Variants in ASAP2 observed in about 807,000 individuals in gnomAD.
The protein encoded by ASAP2 is arf-GAP with SH3 domain, ANK repeat and PH domain-containing protein 2.
In ASAP2, 45 loss-of-function variants were observed where a neutral mutation model predicts 131.4. The observed-to-expected ratio is 0.34, with a 90% confidence interval of 0.27 to 0.44. The LOEUF (loss-of-function observed/expected upper bound fraction) is 0.44, where lower values mean the gene tolerates loss of function less well. Ranked by LOEUF, ASAP2 falls within the 20% of genes least tolerant of loss-of-function variation. ASAP2 has a pLI of 1.00. For synonymous variants in ASAP2, 510 were observed against 503.0 expected (o/e 1.01, Z -0.19); for missense variants, 1,011 against 1,297.0 (o/e 0.78, Z 3.39).
Position 9,355,055 on chromosome 2 carries a change from T to C in ASAP2, c.1112-992T>C, listed in dbSNP as rs367905159. Among the ~76,000 whole-genome samples the C allele has an allele frequency of 1.3e-3, 196 of 152,344 alleles. 6 individuals carry two copies. In the South Asian group the frequency reaches 0.036, roughly 28 times the overall value. On this transcript the variant is annotated intron_variant, in intron 12 of 27. Transcript: ENST00000281419. ...CATATATCCCTCCCCTAGCTTTCCC[T>C]TCTGTTAACATCTTAATACAGTTAT... is the stretch of plus-strand genomic sequence containing the variant.
intron 24 of ASAP2, among the ~76,000 whole-genome samples, chr2:9,398,386 C>T (rs924958212): frequency 3.9e-5 from 6 of 151,960 alleles, no homozygotes; most frequent in African/African-American, 1.4e-4. Flanking sequence ...TGGCGTGCAC[C>T]TGTAGTCCCA....
chr2:9,396,538 G>C lies in ASAP2; in HGVS notation c.2684+2891G>C, dbSNP rs140361147. On this transcript the variant is annotated intron_variant, in intron 24 of 27. Coordinates refer to ENST00000281419, the MANE Select transcript of ASAP2 (RefSeq NM_003887.3). ...GCAGTCCTCCCACCTTGGCCTTTCAGAGTACTGGGATTACAGGCATGAGGC... is the reference window on the plus strand; with the variant it reads ...GCAGTCCTCCCACCTTGGCCTTTCACAGTACTGGGATTACAGGCATGAGGC... 2.6e-3 allele frequency among the ~76,000 whole-genome samples: 389 copies of C among 152,208 alleles called. 4 individuals carry two copies. Among genetic ancestry groups the C allele is most frequent in the African/African-American group, 9.1e-3 (377 of 41,522 alleles).
At chr2:9,373,968 A>G (rs1196368165) in intron 16 of ASAP2, among the ~76,000 whole-genome samples, 1 of 152,244 alleles carries the variant, frequency 6.6e-6, no homozygotes, top group Non-Finnish European at 1.5e-5. Flanking sequence ...GTTGACGCAC[A>G]TACGTCTCAT....
rs1666121555 is a variant in ASAP2 at position 9,268,752 on chromosome 2, G to T, written c.127-10565G>T. ...TTTCAGAAATGTCCCTTCTTCTCAG[G>T]CTGGCCTTTCGTCCGTGGAACGAGG... On this transcript the variant is annotated intron_variant, in intron 1 of 27. Transcript: ENST00000281419. This position sits in a 1 kb window ranked among gnomAD's most constrained non-coding sequence, Gnocchi z 4.1. 6.6e-6 allele frequency among the ~76,000 whole-genome samples: 1 copy of T among 152,182 alleles called. No homozygotes were observed. The highest frequency in any genetic ancestry group is 2.4e-5 in the African/African-American group (1 of 41,432).
intron 1 of ASAP2, among the ~76,000 whole-genome samples, chr2:9,234,506 A>T (rs1663402060): frequency 6.6e-6 from 1 of 152,092 alleles, no homozygotes; most frequent in Non-Finnish European, 1.5e-5. Context: ...AAGCAGGGAG[A>T]GATCACTTCC....
intron 1 of ASAP2, chr2:9,271,475 C>T: frequency 7.1e-7 from 1 of 1,399,682 alleles, no homozygotes; most frequent in Non-Finnish European, 1.0e-6. Flanking sequence ...GTGTAATCAT[C>T]AGCGATCCCT....
chr2:9,347,134 T>C (rs1437218045), intron 11 of ASAP2, among the ~76,000 whole-genome samples: 1 of 152,220 alleles, frequency 6.6e-6, no homozygotes, highest in Non-Finnish European at 1.5e-5. Context: ...TGGGGCTGTC[T>C]TGATTCACTT....
intron 3 of ASAP2, among the ~76,000 whole-genome samples, chr2:9,317,053 C>T (rs1669735377): frequency 6.6e-6 from 1 of 150,936 alleles, no homozygotes; most frequent in African/African-American, 2.4e-5. Flanking sequence ...CTCACATCCA[C>T]ACTCCACACA....
intron 1 of ASAP2, among the ~76,000 whole-genome samples, chr2:9,224,214 A>G (rs1470404397): frequency 6.6e-6 from 1 of 152,126 alleles, no homozygotes; most frequent in Non-Finnish European, 1.5e-5. Flanking sequence ...GGTGCCGAGC[A>G]AGAGGCTTCC....
chr2:9,210,223 T>C (rs1661438392), intron 1 of ASAP2, among the ~76,000 whole-genome samples: 1 of 152,248 alleles, frequency 6.6e-6, no homozygotes, highest in East Asian at 1.9e-4. Context: ...ATTACTCCTT[T>C]GTCAGATTGA....
At chr2:9,296,921 G>C (rs1668186766) in intron 2 of ASAP2, among the ~76,000 whole-genome samples, 1 of 152,180 alleles carries the variant, frequency 6.6e-6, no homozygotes, top group South Asian at 2.1e-4. Flanking sequence ...CTGCAGGCTA[G>C]AGAGGAATGG....
intron 3 of ASAP2, among the ~76,000 whole-genome samples, chr2:9,305,318 G>A (rs62121312): frequency 0.39 from 38,563 of 98,434 alleles, 6,024 homozygotes; most frequent in Non-Finnish European, 0.44. Context: ...GGGTATAGAT[G>A]TTGGTGGAGG....
At chr2:9,249,174 T>C (rs1445731203) in intron 1 of ASAP2, among the ~76,000 whole-genome samples, 1 of 152,194 alleles carries the variant, frequency 6.6e-6, no homozygotes, top group Non-Finnish European at 1.5e-5. Flanking sequence ...CCTCCTTAGC[T>C]CCAGTTTCTT....
In ASAP2 at chr2:9,217,777, G is replaced by A. The variant is rs1469292880; in HGVS notation, c.126+10547G>A. Among the ~76,000 whole-genome samples, 3 of 152,024 alleles carry A rather than the reference G, an allele frequency of 2.0e-5. No individual in the cohort carries two copies. Among genetic ancestry groups the A allele is most frequent in the Non-Finnish European group, 4.4e-5 (3 of 67,976 alleles). On this transcript the variant is annotated intron_variant, in intron 1 of 27. Coordinates refer to ENST00000281419, the MANE Select transcript of ASAP2 (RefSeq NM_003887.3). The surrounding 1 kb of genome is among the most constrained non-coding windows in gnomAD (Gnocchi z 4.0). ...CTACAGGCGCCTGCCACCACGCCCGGCTAATTTTTGGTATTTTTAGTAGAG... is the reference window on the plus strand; with the variant it reads ...CTACAGGCGCCTGCCACCACGCCCGACTAATTTTTGGTATTTTTAGTAGAG...
At chr2:9,254,375 CAG>C (rs1664986341) in intron 1 of ASAP2, among the ~76,000 whole-genome samples, 1 of 125,394 alleles carries the variant, frequency 8.0e-6, no homozygotes, top group African/African-American at 3.1e-5. Flanking sequence ...TTTTTGGAGG[CAG>C]AGTCTTACTC....
intron 1 of ASAP2, among the ~76,000 whole-genome samples, chr2:9,229,186 A>C (rs1662981857): frequency 6.6e-6 from 1 of 152,200 alleles, no homozygotes; most frequent in African/African-American, 2.4e-5. Flanking sequence ...TCAGGAACAA[A>C]GAAACCCAAC....
chr2:9,264,328 G>A (rs375998977), intron 1 of ASAP2, among the ~76,000 whole-genome samples: 1 of 152,230 alleles, frequency 6.6e-6, no homozygotes, highest in African/African-American at 2.4e-5. Context: ...CTGCAGGCAT[G>A]TCTTCCAGAG....
chr2:9,296,660 C>G (rs530238056), intron 2 of ASAP2, among the ~76,000 whole-genome samples: 25 of 152,368 alleles, frequency 1.6e-4, no homozygotes, highest in African/African-American at 4.8e-4. Context: ...ATTTGCCAGA[C>G]TATTTCAATA....
intron 1 of ASAP2, among the ~76,000 whole-genome samples, chr2:9,242,242 T>C (rs900731127): frequency 5.9e-5 from 9 of 152,212 alleles, no homozygotes; most frequent in Non-Finnish European, 8.8e-5. Flanking sequence ...CAGATAGAGA[T>C]CTGACCTGGT....
Sources: gnomAD v4.1 joint callset for allele counts (sites outside exome capture counted in the v4.1 genomes callset) on GRCh38, gnomAD v4.1.1 for gene constraint, Gnocchi (gnomAD v3.1) non-coding constraint, MANE v1.5 for transcripts, NCBI Gene and HGNC (gene_info 2026-07-23, HGNC 2026-07-21) for gene names.